Variants in LAMA2 observed in about 807,000 individuals in gnomAD.
LAMA2 encodes laminin subunit alpha 2.
LAMA2 carries 269 observed loss-of-function variants against 364.8 expected under a neutral mutation model. The observed-to-expected ratio is 0.74, with a 90% CI of 0.67 to 0.82. The LOEUF (loss-of-function observed/expected upper bound fraction) is 0.82, where lower values mean the gene tolerates loss of function less well. Ranked by LOEUF, LAMA2 falls within the 40% of genes least tolerant of loss-of-function variation. LAMA2 has a pLI of 0.00. For missense variants in LAMA2, 3,807 were observed against 3,873.2 expected (o/e 0.98, Z 0.45); for synonymous variants, 1,379 against 1,370.6 (o/e 1.01, Z -0.14).
At chr6:129,421,980 T>C (rs896209556) in intron 40 of LAMA2, among the ~76,000 whole-genome samples, 3 of 152,064 alleles carry the variant, frequency 2.0e-5, no homozygotes, top group Non-Finnish European at 4.4e-5. Context: ...TCAGAAACTT[T>C]CAAGGCCTCC....
At chr6:129,411,632 A>C (rs1419717133) in intron 40 of LAMA2, among the ~76,000 whole-genome samples, 1 of 152,180 alleles carries the variant, frequency 6.6e-6, no homozygotes, top group Admixed American at 6.5e-5. Context: ...AGGAATAAAC[A>C]GGACTTTTGA....
At position 129,403,866 on chromosome 6, in the gene LAMA2, C is replaced by T. The variant is rs777555158; in HGVS notation, c.5772C>T (p.Ala1924=). The change falls in exon 40 of 65, where the codon GCC becomes GCT. Residue 1924 remains alanine, a synonymous_variant. Transcript: ENST00000421865. ...AKNISFNATA[A]FKAYSNIKDY... is the part of the protein sequence containing the mutation. Reference sequence around the variant, plus strand: ...ACATCTCCTTCAATGCCACTGCAGCCTTCAAAGCTTACAGCAATATTAAGG... The same window carrying T: ...ACATCTCCTTCAATGCCACTGCAGCTTTCAAAGCTTACAGCAATATTAAGG... The T allele has an allele frequency of 6.2e-7, 1 of 1,613,812 alleles. No homozygotes were observed. The highest frequency in any genetic ancestry group is 8.5e-7 in the Non-Finnish European group (1 of 1,179,768).
chr6:128,952,158 C>A (rs1036475991), intron 1 of LAMA2, among the ~76,000 whole-genome samples: 24 of 152,092 alleles, frequency 1.6e-4, no homozygotes, highest in Admixed American at 8.5e-4. Context: ...TGGAGCAAGA[C>A]CCTGTCTTGA....
intron 18 of LAMA2, 44 bp from the exon 19 acceptor site, chr6:129,287,803 C>A (rs775697238): frequency 5.5e-5 from 81 of 1,472,180 alleles, no homozygotes; most frequent in Non-Finnish European, 7.2e-5. Context: ...ATTGCCCCAA[C>A]TGAGGTCCCC....
intron 58 of LAMA2, among the ~76,000 whole-genome samples, chr6:129,500,467 T>C (rs1400479955): frequency 1.3e-5 from 2 of 152,220 alleles, no homozygotes; most frequent in African/African-American, 2.4e-5. Flanking sequence ...AATACCGTTT[T>C]ATTAAGCACT....
At chr6:128,901,746 T>C (rs1777097098) in intron 1 of LAMA2, among the ~76,000 whole-genome samples, 1 of 152,198 alleles carries the variant, frequency 6.6e-6, no homozygotes, top group Non-Finnish European at 1.5e-5. Context: ...ACAGAAATTT[T>C]AAAAGAAGTA....
intron 12 of LAMA2, among the ~76,000 whole-genome samples, chr6:129,228,182 C>G (rs970496499): frequency 2.6e-5 from 4 of 152,124 alleles, no homozygotes; most frequent in Non-Finnish European, 5.9e-5. Context: ...ATTGGAAAAG[C>G]GTGGTATTAG....
At chr6:128,948,914 C>A (rs752849552) in intron 1 of LAMA2, among the ~76,000 whole-genome samples, 5 of 152,100 alleles carry the variant, frequency 3.3e-5, no homozygotes, top group African/African-American at 1.2e-4. Flanking sequence ...GAACAGAGAA[C>A]CAATTAAATA....
At position 129,250,204 on chromosome 6, in the gene LAMA2, T is replaced by A. The variant is rs750076935; in HGVS notation, c.1875T>A (p.Ile625=). Residue 625 remains isoleucine (I), a synonymous_variant, in exon 13 of 65, where the codon ATT becomes ATA. Coordinates refer to ENST00000421865, the MANE Select transcript of LAMA2 (RefSeq NM_000426.4). ...CAGAACGTGTTCTCCAGCTTATGAT[T>A]ATCTTAGAGGTAGAGTACTGAGAGC... ...EDTERVLQLM[I]ILEGNDLSIS... is the part of the protein sequence containing the mutation. The A allele has an allele frequency of 3.8e-6, 6 of 1,565,550 alleles. No homozygotes were observed. The East Asian group carries it at 9.0e-5, about 23-fold the overall frequency.
At chr6:129,133,861 C>G (rs1446179702) in intron 4 of LAMA2, among the ~76,000 whole-genome samples, 1 of 151,914 alleles carries the variant, frequency 6.6e-6, no homozygotes, top group Non-Finnish European at 1.5e-5. Flanking sequence ...CACACAGAGA[C>G]AATTCAACAC....
At chr6:129,063,222 T>C (rs4895846) in intron 3 of LAMA2, among the ~76,000 whole-genome samples, 76,148 of 151,830 alleles carry the variant, frequency 0.5, 21,324 homozygotes, top group East Asian at 0.81. Flanking sequence ...TAAAAGGATC[T>C]AGAGTCAGCA....
chr6:129,409,571 C>T (rs189282756), intron 40 of LAMA2, among the ~76,000 whole-genome samples: 88 of 152,308 alleles, frequency 5.8e-4, no homozygotes, highest in African/African-American at 2.0e-3. Flanking sequence ...TACAGTCAAA[C>T]ATTCAGTTTC....
At chr6:128,910,663 C>G (rs1036929951) in intron 1 of LAMA2, among the ~76,000 whole-genome samples, 4 of 152,310 alleles carry the variant, frequency 2.6e-5, no homozygotes, top group Non-Finnish European at 5.9e-5. Context: ...CGTCTAGCTT[C>G]GTTCTGTTGT....
chr6:129,514,676 T>C, intron 64 of LAMA2, 81 bp downstream of exon 64: 2 of 1,062,764 alleles, frequency 1.9e-6, no homozygotes, highest in South Asian at 2.6e-5. Context: ...TACGTGTGTC[T>C]AAGAATGTGT....
chr6:129,326,851 T>C (rs1197224627), intron 28 of LAMA2, among the ~76,000 whole-genome samples: 1 of 148,498 alleles, frequency 6.7e-6, no homozygotes, highest in Non-Finnish European at 1.5e-5. Context: ...TTTTATTCAG[T>C]GGTCAGCTTG....
chr6:129,249,160 C>G (rs1040425314), intron 12 of LAMA2, among the ~76,000 whole-genome samples: 2 of 152,166 alleles, frequency 1.3e-5, no homozygotes, highest in African/African-American at 2.4e-5. Flanking sequence ...GCTGTCTGGT[C>G]AGGGTTGGAC....
intron 12 of LAMA2, among the ~76,000 whole-genome samples, chr6:129,217,386 G>A (rs878891070): frequency 4.6e-5 from 7 of 151,996 alleles, no homozygotes; most frequent in African/African-American, 1.7e-4. Flanking sequence ...AAATTATTTG[G>A]TTAATCTTCG....
rs1400579479 is a variant in LAMA2, at chr6:128,883,475, T to G, written c.112+118T>G. On this transcript the variant is annotated intron_variant, in intron 1 of 64. Transcript: ENST00000421865. ...GCCGTCTTGCTTCGCCTTCAGAGAG[T>G]GCGCTCTGGGGCAAGAGGAACTTGA... is the stretch of plus-strand genomic sequence containing the variant. 1.1e-5 allele frequency: 17 copies of G among 1,497,190 alleles called. No individual in the cohort carries two copies. In the Middle Eastern group the frequency reaches 5.1e-4, roughly 45 times the overall value. The allele number at this position is 1,497,190 out of a possible 1,614,324, so 92.7% of individuals were successfully genotyped here. A position where few individuals can be genotyped will look rare whatever the true frequency, so the allele number is the denominator to read the frequency against.
chr6:129,477,392 A>C (rs1784118684), intron 53 of LAMA2, among the ~76,000 whole-genome samples: 1 of 152,176 alleles, frequency 6.6e-6, no homozygotes, highest in Non-Finnish European at 1.5e-5. Context: ...ACATTCTGAT[A>C]GCCTTTGTTT....
Sources: gnomAD v4.1 joint callset for allele counts (sites outside exome capture counted in the v4.1 genomes callset) on GRCh38, gnomAD v4.1.1 for gene constraint, MANE v1.5 for transcripts, NCBI Gene and HGNC (gene_info 2026-07-23, HGNC 2026-07-21) for gene names.